CTHRC1: variants seen among roughly 807,000 people sequenced by gnomAD.
CTHRC1 encodes the protein collagen triple helix repeat-containing protein 1.
In CTHRC1, 21 loss-of-function variants were observed where a neutral mutation model predicts 25.9. That is an observed-to-expected ratio of 0.81 (90% confidence interval 0.57 to 1.17). The LOEUF (loss-of-function observed/expected upper bound fraction) is 1.17. Ranked by LOEUF, CTHRC1 falls within the 50% of genes most tolerant of loss-of-function variation. The probability of loss-of-function intolerance (pLI) is 0.00; values close to 1 mark genes in which losing one functional copy is unlikely to be tolerated. For synonymous variants in CTHRC1, 109 were observed against 113.1 expected, an observed-to-expected ratio of 0.96 and a Z score of 0.23; for missense variants, 281 against 304.3, an observed-to-expected ratio of 0.92 and a Z score of 0.57.
chr8:103,376,795 C>T (rs899755352), intron 2 of CTHRC1, among the ~76,000 whole-genome samples: 4 of 152,232 alleles, frequency 2.6e-5, no homozygotes, highest in Non-Finnish European at 4.4e-5. Context: ...TTCCTTATCT[C>T]AGCTCTTTCT....
intron 2 of CTHRC1, among the ~76,000 whole-genome samples, chr8:103,377,580 C>T (rs1395179297): frequency 2.0e-5 from 3 of 151,758 alleles, no homozygotes; most frequent in African/African-American, 7.3e-5. Context: ...CTCCCTCCCT[C>T]TATAAAAGTT....
Position 103,380,270 on chromosome 8 carries a change from G to A in CTHRC1, c.589+2027G>A, listed in dbSNP as rs185542915. Among the ~76,000 whole-genome samples, 52 of 152,320 alleles carry A rather than the reference G, an allele frequency of 3.4e-4. No homozygotes were observed. The East Asian group carries it at 7.7e-3, about 23-fold the overall frequency. ...GGCCCAGGAACTGTGTCATATACACGCATATACTTTATAAATAATTTAACA... is the reference window on the plus strand; with the variant it reads ...GGCCCAGGAACTGTGTCATATACACACATATACTTTATAAATAATTTAACA... On this transcript the variant is annotated intron_variant, in intron 3 of 3. Coordinates refer to ENST00000330295, the MANE Select transcript of CTHRC1 (RefSeq NM_138455.4).
intron 3 of CTHRC1, among the ~76,000 whole-genome samples, chr8:103,381,472 T>A (rs575987865): frequency 9.7e-5 from 7 of 72,366 alleles, no homozygotes; most frequent in South Asian, 9.2e-4. Context: ...TTTTTTTTTT[T>A]AATTTAAGAG....
chr8:103,382,873 T>A lies in CTHRC1; in HGVS notation c.*273T>A, dbSNP rs1194075910. 2.9e-6 allele frequency: 1 copy of A among 346,664 alleles called. No individual in the cohort carries two copies. Among genetic ancestry groups the A allele is most frequent in the East Asian group, 6.3e-5 (1 of 15,862 alleles). The allele number at this position is 346,664 out of a possible 1,614,324, so 21.5% of individuals were successfully genotyped here. Reference sequence around the variant, plus strand: ...TAATTTGGAATATTGTTGTGGTCTTTTGTTTTTTCTCTTAGTATAGCATTT... The same window carrying A: ...TAATTTGGAATATTGTTGTGGTCTTATGTTTTTTCTCTTAGTATAGCATTT... On this transcript the variant is annotated 3_prime_UTR_variant, in exon 4 of 4. Coordinates refer to ENST00000330295, the MANE Select transcript of CTHRC1 (RefSeq NM_138455.4).
chr8:103,372,300 TAAC>T (rs1815722169), intron 1 of CTHRC1: 1 of 628,230 alleles, frequency 1.6e-6, no homozygotes, highest in African/African-American at 1.8e-5. Flanking sequence ...CGAGAGAGAA[TAAC>T]AACCCCCACA....
Position 103,382,786 on chromosome 8 carries a change from G to T in CTHRC1, c.*186G>T. On this transcript the variant is annotated 3_prime_UTR_variant, in exon 4 of 4. Transcript: ENST00000330295. Reference sequence around the variant, plus strand: ...TATTCATTTTGCTTCAATCAAAAGTGGTTTCAATATTTTTTTTAGTTGGTT... The same window carrying T: ...TATTCATTTTGCTTCAATCAAAAGTTGTTTCAATATTTTTTTTAGTTGGTT... 1 of 626,206 alleles carries T rather than the reference G, an allele frequency of 1.6e-6. No homozygotes were observed. Among genetic ancestry groups the T allele is most frequent in the Non-Finnish European group, 2.8e-6 (1 of 353,326 alleles). The allele number at this position is 626,206 out of a possible 1,614,324, so 38.8% of individuals were successfully genotyped here.
intron 1 of CTHRC1, among the ~76,000 whole-genome samples, chr8:103,373,669 C>T (rs768855301): frequency 6.8e-6 from 1 of 147,276 alleles, no homozygotes; most frequent in African/African-American, 2.5e-5. Context: ...TCCGTTGTCG[C>T]GTGTTTAGCA....
chr8:103,376,115 T>C (rs1053927906), intron 2 of CTHRC1, 156 bp downstream of exon 2: 2 of 662,618 alleles, frequency 3.0e-6, no homozygotes, highest in African/African-American at 3.7e-5. Flanking sequence ...TGAAAAAGTT[T>C]ATAACATTTC....
chr8:103,372,725 T>C (rs1250968938), intron 1 of CTHRC1: 2 of 1,366,806 alleles, frequency 1.5e-6, no homozygotes, highest in Non-Finnish European at 2.0e-6. Flanking sequence ...AGAGGTTCTC[T>C]GGCCTGTGGT....
intron 1 of CTHRC1, 101 bp from the exon 2 acceptor site, chr8:103,375,637 T>C: frequency 1.0e-6 from 1 of 959,702 alleles, no homozygotes; most frequent in Non-Finnish European, 1.7e-6. Context: ...TATGAAGGGA[T>C]TCTTGACTCC....
chr8:103,377,045 T>C (rs2130402033), intron 2 of CTHRC1: 2 of 152,392 alleles, frequency 1.3e-5, no homozygotes, highest in Middle Eastern at 6.8e-3. Flanking sequence ...ATTATTAATA[T>C]GTTTTCAAGT....
chr8:103,377,986 T>C (rs371151606), intron 2 of CTHRC1, 41 bp from the exon 3 acceptor site: 1 of 1,483,062 alleles, frequency 6.7e-7, no homozygotes, highest in African/African-American at 1.4e-5. Flanking sequence ...TTAATTAAAA[T>C]AGAAAATGTT....
chr8:103,377,239 A>T (rs1181521970), intron 2 of CTHRC1: 3 of 152,228 alleles, frequency 2.0e-5, no homozygotes, highest in African/African-American at 7.2e-5. Context: ...TTACTCCCTC[A>T]TACTGTTTGC....
rs554009213 is a variant in CTHRC1 at position 103,380,332 on chromosome 8, T to A, written c.589+2089T>A. Among the ~76,000 whole-genome samples, 3 of 152,378 alleles carry A rather than the reference T, an allele frequency of 2.0e-5. No individual in the cohort carries two copies. The East Asian group carries it at 5.8e-4, about 29-fold the overall frequency. ...AACCATTGTGTGCAAACTCATTTGG[T>A]GTGATCAGTTGGGTGGAGTGTCACA... On this transcript the variant is annotated intron_variant, in intron 3 of 3. Transcript: ENST00000330295.
chr8:103,373,726 G>T (rs878888880), intron 1 of CTHRC1, among the ~76,000 whole-genome samples: 2 of 148,382 alleles, frequency 1.3e-5, no homozygotes, highest in Admixed American at 1.4e-4. Flanking sequence ...CCTCTCCCAA[G>T]TTGTGACAAC....
At position 103,373,189 on chromosome 8, in the gene CTHRC1, C is replaced by T. The variant is rs547931415; in HGVS notation, c.150+1383C>T. Among the ~76,000 whole-genome samples the T allele has an allele frequency of 3.3e-5, 5 of 152,344 alleles. No homozygotes were observed. In the East Asian group the frequency reaches 5.8e-4, roughly 18 times the overall value. The stretch of plus-strand genomic sequence containing the variant: ...CTATTTTCCCCCCTTCAAGGATTTA[C>T]AGTACCTGTGGTTTCCCACAACTCT... On this transcript the variant is annotated intron_variant, in intron 1 of 3. Transcript: ENST00000330295.
intron 2 of CTHRC1, among the ~76,000 whole-genome samples, chr8:103,376,494 G>C (rs2130401268): frequency 6.6e-6 from 1 of 152,314 alleles, no homozygotes; most frequent in Non-Finnish European, 1.5e-5. Flanking sequence ...CATTAAGGCT[G>C]AGTGGCAGAG....
At position 103,371,756 on chromosome 8, in the gene CTHRC1, C is replaced by T. The variant is rs1815707353; in HGVS notation, c.100C>T (p.Pro34Ser). The change falls in exon 1 of 4, where the codon CCC becomes TCC. Residue 34 changes from proline to serine, a missense_variant. Coordinates refer to ENST00000330295, the MANE Select transcript of CTHRC1 (RefSeq NM_138455.4). ...LPAPSSASEI[P>S]KGKQKAQLRQ... The stretch of plus-strand genomic sequence containing the variant: ...CGCGCCGTCGAGCGCCTCTGAGATC[C>T]CCAAGGGGAAGCAAAAGGCGCAGCT... 6.5e-7 allele frequency: 1 copy of T among 1,535,500 alleles called. No homozygotes were observed.
At chr8:103,379,207 G>T (rs1815861747) in intron 3 of CTHRC1, among the ~76,000 whole-genome samples, 1 of 152,118 alleles carries the variant, frequency 6.6e-6, no homozygotes. Flanking sequence ...TAAACTGTCA[G>T]AAAAATATCA....
Sources: allele counts gnomAD v4.1 joint callset (sites outside exome capture counted in the v4.1 genomes callset), GRCh38; gene constraint gnomAD v4.1.1; transcripts MANE v1.5; gene names NCBI Gene and HGNC (gene_info 2026-07-23, HGNC 2026-07-21).